Variants in MAGI2 observed in about 807,000 individuals in gnomAD.
MAGI2 encodes the protein membrane-associated guanylate kinase, WW and PDZ domain-containing protein 2.
Under a neutral mutation model 133.3 loss-of-function variants are expected in MAGI2, and 35 were observed. That is an observed-to-expected ratio of 0.26 (90% CI 0.20 to 0.35). The LOEUF (loss-of-function observed/expected upper bound fraction) is 0.35. Ranked by LOEUF, MAGI2 falls within the 10% of genes least tolerant of loss-of-function variation. MAGI2 has a pLI of 1.00. For synonymous variants in MAGI2, 729 were observed against 710.6 expected (o/e 1.03, Z -0.41); for missense variants, 1,636 against 1,863.4 (o/e 0.88, Z 2.25).
At chr7:79,317,607 A>G (rs1838841288) in intron 1 of MAGI2, among the ~76,000 whole-genome samples, 1 of 152,190 alleles carries the variant, frequency 6.6e-6, no homozygotes, top group South Asian at 2.1e-4. Context: ...GATTCTTTAC[A>G]TTCTATTTTT....
chr7:78,969,860 A>T (rs1021767725), intron 2 of MAGI2, among the ~76,000 whole-genome samples: 7 of 152,080 alleles, frequency 4.6e-5, no homozygotes, highest in Admixed American at 1.3e-4. Flanking sequence ...ACTCTATGCT[A>T]AATATTTTGC....
At chr7:79,077,861 C>A (rs1056983940) in intron 1 of MAGI2, among the ~76,000 whole-genome samples, 1 of 151,986 alleles carries the variant, frequency 6.6e-6, no homozygotes, top group African/African-American at 2.4e-5. Context: ...ACGTTTCTTA[C>A]TATTGTAAAT....
chr7:78,859,573 T>G (rs1793981645), intron 2 of MAGI2, among the ~76,000 whole-genome samples: 1 of 152,236 alleles, frequency 6.6e-6, no homozygotes, highest in Non-Finnish European at 1.5e-5. Flanking sequence ...TGGCCCCCAC[T>G]CTCTTCTGGC....
intron 6 of MAGI2, among the ~76,000 whole-genome samples, chr7:78,388,097 G>A (rs1206593198): frequency 6.6e-6 from 1 of 152,058 alleles, no homozygotes; most frequent in Non-Finnish European, 1.5e-5. Flanking sequence ...AACATTACTG[G>A]CTTTGGGGTC....
chr7:79,112,669 G>A (rs896486664), intron 1 of MAGI2, among the ~76,000 whole-genome samples: 46 of 152,122 alleles, frequency 3.0e-4, no homozygotes, highest in African/African-American at 1.1e-3. Flanking sequence ...GACTCTAAAT[G>A]CATACCTTTA....
intron 2 of MAGI2, among the ~76,000 whole-genome samples, chr7:78,966,971 G>A (rs1424036348): frequency 6.6e-6 from 1 of 151,554 alleles, no homozygotes; most frequent in African/African-American, 2.4e-5. Flanking sequence ...TTGAGACATG[G>A]TTTCACTCTG....
chr7:78,697,621 A>G (rs1817651929), intron 2 of MAGI2, among the ~76,000 whole-genome samples: 1 of 152,234 alleles, frequency 6.6e-6, no homozygotes, highest in South Asian at 2.1e-4. Context: ...AAAGATTGCC[A>G]TGAATACAAA....
At chr7:78,782,492 A>G (rs1179149201) in intron 2 of MAGI2, among the ~76,000 whole-genome samples, 1 of 152,144 alleles carries the variant, frequency 6.6e-6, no homozygotes, top group Non-Finnish European at 1.5e-5. Flanking sequence ...AGAGGTTCAG[A>G]GCTGGGAATG....
intron 2 of MAGI2, among the ~76,000 whole-genome samples, chr7:78,720,186 A>C (rs2151198160): frequency 6.6e-6 from 1 of 152,278 alleles, no homozygotes; most frequent in South Asian, 2.1e-4. Context: ...AAGAGGGATA[A>C]ATTTAGAAGC....
At chr7:78,497,746 A>ATCTGTCTG (rs1195712724) in intron 5 of MAGI2, among the ~76,000 whole-genome samples, 4 of 116,684 alleles carry the variant, frequency 3.4e-5, no homozygotes, top group Non-Finnish European at 7.8e-5. Context: ...CTATCTATCT[A>ATCTGTCTG]TCTATCTATC....
intron 10 of MAGI2, among the ~76,000 whole-genome samples, chr7:78,247,063 C>T (rs975739966): frequency 6.6e-6 from 1 of 152,158 alleles, no homozygotes; most frequent in Non-Finnish European, 1.5e-5. Flanking sequence ...TGCTCTGACA[C>T]CTGTGTCCTG....
In MAGI2 at chr7:78,624,163, T is replaced by C. The variant is rs529949352; in HGVS notation, c.538+2957A>G. ...TTCATGTCATTTGCCCACTTTTTAA[T>C]GCAGTTATTTTTTTCTTGTAAAAAT... is the stretch of plus-strand genomic sequence containing the variant. On this transcript the variant is annotated intron_variant, in intron 3 of 21. Coordinates refer to ENST00000354212, the MANE Select transcript of MAGI2 (RefSeq NM_012301.4). 6.6e-5 allele frequency among the ~76,000 whole-genome samples: 10 copies of C among 152,258 alleles called. No individual in the cohort carries two copies. In the South Asian group the frequency reaches 1.2e-3, roughly 19 times the overall value.
intron 1 of MAGI2, among the ~76,000 whole-genome samples, chr7:79,221,340 T>A (rs574824962): frequency 4.6e-5 from 7 of 152,156 alleles, no homozygotes; most frequent in Non-Finnish European, 8.8e-5. Context: ...AGGAAGAAAC[T>A]GTCATCTGCC....
At chr7:79,185,507 A>T (rs531789992) in intron 1 of MAGI2, among the ~76,000 whole-genome samples, 2 of 136,404 alleles carry the variant, frequency 1.5e-5, no homozygotes, top group East Asian at 4.5e-4. Context: ...GTTGGTTACC[A>T]ATTTGGTCAT....
intron 1 of MAGI2, among the ~76,000 whole-genome samples, chr7:79,060,844 A>T (rs1813660821): frequency 1.3e-5 from 2 of 152,218 alleles, no homozygotes; most frequent in South Asian, 4.1e-4. Context: ...TGAAATAACG[A>T]AGTCTCTTCC....
At chr7:79,262,290 G>C (rs1269948381) in intron 1 of MAGI2, among the ~76,000 whole-genome samples, 1 of 152,088 alleles carries the variant, frequency 6.6e-6, no homozygotes, top group Non-Finnish European at 1.5e-5. Flanking sequence ...CATTTTAGAG[G>C]ACCTAGCATT....
At chr7:78,632,130 A>G (rs187312067) in intron 2 of MAGI2, among the ~76,000 whole-genome samples, 1 of 152,346 alleles carries the variant, frequency 6.6e-6, no homozygotes, top group East Asian at 1.9e-4. Flanking sequence ...AGCACTTACT[A>G]TGTGCCAAAC....
intron 2 of MAGI2, among the ~76,000 whole-genome samples, chr7:78,696,881 A>G (rs1416273130): frequency 6.6e-6 from 1 of 152,152 alleles, no homozygotes; most frequent in Non-Finnish European, 1.5e-5. Flanking sequence ...AAGCAGATCA[A>G]TTTTAGACAT....
At chr7:78,209,221 C>CAAAT (rs1554500765) in intron 10 of MAGI2, among the ~76,000 whole-genome samples, 4 of 10,626 alleles carry the variant, frequency 3.8e-4, no homozygotes, top group African/African-American at 1.3e-3. Context: ...GACTCTGTCT[C>CAAAT]AAAAAAAAAA....
Sources: gnomAD v4.1 joint callset for allele counts (sites outside exome capture counted in the v4.1 genomes callset) on GRCh38, gnomAD v4.1.1 for gene constraint, MANE v1.5 for transcripts, NCBI Gene and HGNC (gene_info 2026-07-23, HGNC 2026-07-21) for gene names.